The following TMEFF2 variants were observed in gnomAD, a reference collection of about 807,000 sequenced individuals.
TMEFF2 encodes tomoregulin-2.
Under a neutral mutation model 53.8 loss-of-function variants are expected in TMEFF2, and 28 were observed. That is an observed-to-expected ratio of 0.52 (90% confidence interval 0.39 to 0.71). TMEFF2 has a LOEUF of 0.71. Among genes scored for constraint, TMEFF2 ranks in the 30% least tolerant of loss-of-function variants. The pLI, the probability that TMEFF2 is intolerant of heterozygous loss-of-function variation, is 0.00. For synonymous variants in TMEFF2, 162 were observed against 166.3 expected, an observed-to-expected ratio of 0.97 and a Z score of 0.20; for missense variants, 353 against 455.2, an observed-to-expected ratio of 0.78 and a Z score of 2.04.
intron 7 of TMEFF2, among the ~76,000 whole-genome samples, chr2:191,997,291 T>C (rs778109602): frequency 6.6e-6 from 1 of 151,930 alleles, no homozygotes; most frequent in African/African-American, 2.4e-5. Context: ...AATATAAATG[T>C]TTAAAATATC....
At chr2:192,187,963 T>C (rs1691355901) in intron 2 of TMEFF2, among the ~76,000 whole-genome samples, 1 of 152,192 alleles carries the variant, frequency 6.6e-6, no homozygotes, top group South Asian at 2.1e-4. Context: ...GTTTTATATA[T>C]TGCCAGCACC....
intron 4 of TMEFF2, among the ~76,000 whole-genome samples, chr2:192,141,459 G>GAAA (rs397987092): frequency 1.7e-4 from 18 of 107,248 alleles, no homozygotes; most frequent in East Asian, 1.1e-3. Flanking sequence ...TCTCAAAAAA[G>GAAA]AAAAAAAAAA....
chr2:191,995,729 T>C lies in TMEFF2; in HGVS notation c.745+2533A>G, dbSNP rs563541907. On this transcript the variant is annotated intron_variant, in intron 7 of 9. Coordinates refer to ENST00000272771, the MANE Select transcript of TMEFF2 (RefSeq NM_016192.4). The stretch of plus-strand genomic sequence containing the variant: ...TATTGTATTCTAATGAAACCATTAA[T>C]GAAGACAAATATATCTAAAATTTCT... Among the ~76,000 whole-genome samples, 138 of 152,162 alleles carry C rather than the reference T, an allele frequency of 9.1e-4. 1 individual carries two copies. Among genetic ancestry groups the C allele is most frequent in the Middle Eastern group, 6.8e-3 (2 of 294 alleles).
At chr2:192,007,920 C>A (rs1027395798) in intron 5 of TMEFF2, among the ~76,000 whole-genome samples, 1 of 152,116 alleles carries the variant, frequency 6.6e-6, no homozygotes, top group East Asian at 1.9e-4. Context: ...AAAAATGTCA[C>A]CCCATGTCCT....
intron 4 of TMEFF2, among the ~76,000 whole-genome samples, chr2:192,160,886 G>C (rs1690616680): frequency 6.6e-6 from 1 of 152,190 alleles, no homozygotes; most frequent in African/African-American, 2.4e-5. Flanking sequence ...AGTTTATGTA[G>C]AGGAAAGAGA....
Position 191,998,322 on chromosome 2 carries a change from CTG to C in TMEFF2, c.686-3_686-2del. 1 of 1,596,680 alleles carries C rather than the reference CTG, an allele frequency of 6.3e-7. No individual in the cohort carries two copies. The highest frequency in any genetic ancestry group is 8.5e-7 in the Non-Finnish European group (1 of 1,171,206). On this transcript the variant is annotated splice_acceptor_variant and splice_polypyrimidine_tract_variant and intron_variant, in intron 6 of 9. Coordinates refer to ENST00000272771, the MANE Select transcript of TMEFF2 (RefSeq NM_016192.4). LOFTEE classifies it high-confidence loss of function. ...GACTTAGTAGTTGTAGTTGTGTTAT[CTG>C]TGTTAAAAAATTAACAATAAAAATT...
intron 5 of TMEFF2, among the ~76,000 whole-genome samples, chr2:192,021,748 G>T (rs1477762870): frequency 6.6e-6 from 1 of 152,174 alleles, no homozygotes; most frequent in Non-Finnish European, 1.5e-5. Flanking sequence ...AACTGAAAAG[G>T]AGCAGGGGCA....
intron 9 of TMEFF2, 46 bp from the exon 10 acceptor site, chr2:191,950,453 T>C: frequency 7.4e-6 from 12 of 1,613,830 alleles, no homozygotes; most frequent in Non-Finnish European, 1.0e-5. Context: ...TGCTATTACC[T>C]AAAGTTTGGC....
intron 5 of TMEFF2, chr2:192,036,440 A>G (rs560978373): frequency 6.6e-6 from 1 of 152,356 alleles, no homozygotes; most frequent in African/African-American, 2.4e-5. Flanking sequence ...AGGCAGGCCC[A>G]TGATATGGAA....
chr2:192,155,680 C>T (rs137981509), intron 4 of TMEFF2, among the ~76,000 whole-genome samples: 14 of 152,080 alleles, frequency 9.2e-5, no homozygotes, highest in African/African-American at 3.4e-4. Flanking sequence ...GGCAATGCTG[C>T]CCAGCAGCTG....
At chr2:191,991,605 T>G (rs550731050) in intron 7 of TMEFF2, among the ~76,000 whole-genome samples, 1 of 152,238 alleles carries the variant, frequency 6.6e-6, no homozygotes, top group East Asian at 1.9e-4. Flanking sequence ...GGCCAATGTT[T>G]AAACTCAGTT....
intron 7 of TMEFF2, chr2:191,992,762 A>G (rs1355032013): frequency 6.6e-6 from 1 of 152,080 alleles, no homozygotes; most frequent in Non-Finnish European, 1.5e-5. Context: ...GAAACAGAAG[A>G]AGGAAAAATT....
At chr2:192,142,558 T>A (rs16834238) in intron 4 of TMEFF2, among the ~76,000 whole-genome samples, 3,043 of 152,218 alleles carry the variant, frequency 0.02, 86 homozygotes, top group African/African-American at 0.06. Flanking sequence ...ACTGGAATTA[T>A]GGAATTATGG....
At chr2:192,097,511 C>A (rs1025304914) in intron 4 of TMEFF2, among the ~76,000 whole-genome samples, 1 of 152,172 alleles carries the variant, frequency 6.6e-6, no homozygotes. Context: ...ACAACAGACA[C>A]CCTCAATGGA....
chr2:191,954,016 T>A (rs1337027639), intron 8 of TMEFF2, among the ~76,000 whole-genome samples, 179 bp from the exon 9 acceptor site: 2 of 149,636 alleles, frequency 1.3e-5, no homozygotes, highest in Admixed American at 6.7e-5. Context: ...GCCTCCCGAG[T>A]AGCTGGGACT....
chr2:192,114,231 TTA>T (rs1689349195), intron 4 of TMEFF2, among the ~76,000 whole-genome samples: 1 of 151,966 alleles, frequency 6.6e-6, no homozygotes, highest in South Asian at 2.1e-4. Flanking sequence ...AAGAATCATA[TTA>T]TGTTATATGA....
intron 7 of TMEFF2, among the ~76,000 whole-genome samples, chr2:191,973,945 A>G (rs1476580646): frequency 6.6e-6 from 1 of 152,176 alleles, no homozygotes; most frequent in Non-Finnish European, 1.5e-5. Context: ...AAGTTTCCTG[A>G]GGCCTCCCCA....
chr2:192,125,671 C>A (rs903188237), intron 4 of TMEFF2, among the ~76,000 whole-genome samples: 12 of 152,140 alleles, frequency 7.9e-5, no homozygotes, highest in Non-Finnish European at 1.5e-4. Flanking sequence ...TACATAAGCA[C>A]CATGGAATAC....
intron 2 of TMEFF2, among the ~76,000 whole-genome samples, chr2:192,189,464 G>A (rs1691405512): frequency 6.6e-6 from 1 of 150,594 alleles, no homozygotes; most frequent in Admixed American, 6.6e-5. Context: ...AGAATTGCTG[G>A]GACCCAGGAG....
Sources: allele counts gnomAD v4.1 joint callset (sites outside exome capture counted in the v4.1 genomes callset), GRCh38; gene constraint gnomAD v4.1.1; transcripts MANE v1.5; gene names NCBI Gene and HGNC (gene_info 2026-07-23, HGNC 2026-07-21).